Variants in CREM observed in about 807,000 individuals in gnomAD.
CREM encodes cAMP responsive element modulator.
A neutral mutation model predicts 37.3 loss-of-function variants in CREM; 13 were observed. The ratio of observed to expected loss-of-function variants is 0.35; its 90% CI spans 0.23 to 0.55. CREM has a LOEUF of 0.55. Ranked by LOEUF, CREM falls within the 20% of genes least tolerant of loss-of-function variation. CREM has a pLI of 0.88. For synonymous variants in CREM, 124 were observed against 120.2 expected (o/e 1.03, Z -0.21); for missense variants, 296 against 362.3 (o/e 0.82, Z 1.49).
intron 3 of CREM, among the ~76,000 whole-genome samples, chr10:35,173,380 C>T (rs145971940): frequency 1.2e-4 from 18 of 152,320 alleles, no homozygotes; most frequent in African/African-American, 4.1e-4. Context: ...ACTAAAGCAA[C>T]ATACTGCAAC....
intron 1 of CREM, among the ~76,000 whole-genome samples, chr10:35,130,722 A>G (rs548118852): frequency 2.0e-5 from 3 of 152,316 alleles, no homozygotes; most frequent in South Asian, 2.1e-4. Context: ...CATGCTGTAC[A>G]GGTTTTGTAG....
intron 5 of CREM, among the ~76,000 whole-genome samples, chr10:35,187,473 T>A (rs2094700498): frequency 6.6e-6 from 1 of 150,464 alleles, no homozygotes; most frequent in Non-Finnish European, 1.5e-5. Flanking sequence ...TTGATCAGGC[T>A]GGTCTCAAAC....
chr10:35,186,538 CAT>C (rs1388151481), intron 5 of CREM, among the ~76,000 whole-genome samples: 1 of 150,192 alleles, frequency 6.7e-6, no homozygotes, highest in East Asian at 1.9e-4. Flanking sequence ...ATTCTCCTGA[CAT>C]AGACAAAATG....
intron 3 of CREM, among the ~76,000 whole-genome samples, chr10:35,163,817 G>A (rs779156359): frequency 1.1e-4 from 16 of 151,676 alleles, no homozygotes; most frequent in Admixed American, 5.3e-4. Flanking sequence ...GTGAAACTCC[G>A]TCTCCAAAAA....
chr10:35,177,612 C>G (rs973565971), intron 3 of CREM, among the ~76,000 whole-genome samples: 1 of 152,164 alleles, frequency 6.6e-6, no homozygotes, highest in Non-Finnish European at 1.5e-5. Flanking sequence ...AGAAAGTATT[C>G]TGTTATATTC....
intron 7 of CREM, among the ~76,000 whole-genome samples, chr10:35,209,943 TC>T (rs1351801047): frequency 6.6e-6 from 1 of 152,214 alleles, no homozygotes; most frequent in Non-Finnish European, 1.5e-5. Flanking sequence ...AGTCCATTGT[TC>T]CTGGCTAGGA....
intron 5 of CREM, among the ~76,000 whole-genome samples, chr10:35,187,321 G>A (rs576747084): frequency 7.3e-5 from 10 of 137,712 alleles, no homozygotes; most frequent in East Asian, 6.3e-4. Context: ...GTGCAGTGCC[G>A]CAATCTCAGC....
chr10:35,201,487 GT>G (rs769060893), intron 6 of CREM: 3 of 1,551,618 alleles, frequency 1.9e-6, no homozygotes, highest in Non-Finnish European at 2.6e-6. Flanking sequence ...CACATGGCTG[GT>G]AAGTGGCAGA....
At chr10:35,182,098 A>C (rs1166768652) in intron 5 of CREM, among the ~76,000 whole-genome samples, 3 of 152,226 alleles carry the variant, frequency 2.0e-5, no homozygotes, top group African/African-American at 7.2e-5. Context: ...ATTTAGTGAA[A>C]TATATGTAGA....
chr10:35,202,866 AGTG>A, intron 6 of CREM, among the ~76,000 whole-genome samples: 1 of 152,292 alleles, frequency 6.6e-6, no homozygotes, highest in Non-Finnish European at 1.5e-5. Context: ...GTTATTTTAA[AGTG>A]GTATTTTTTT....
intron 3 of CREM, chr10:35,175,801 A>G (rs1589932350): frequency 6.2e-7 from 1 of 1,613,048 alleles, no homozygotes; most frequent in Non-Finnish European, 8.5e-7. Flanking sequence ...AATAGCAAAA[A>G]CAATAACAAA....
At chr10:35,195,976 A>G (rs2095141690) in intron 6 of CREM, 1 of 1,457,084 alleles carries the variant, frequency 6.9e-7, no homozygotes, top group South Asian at 1.2e-5. Context: ...TTTAGACTGA[A>G]TAGCTTTTCT....
At chr10:35,154,352 G>A (rs773044789) in intron 3 of CREM, 53 of 332,716 alleles carry the variant, frequency 1.6e-4, no homozygotes, top group Non-Finnish European at 1.7e-4. Flanking sequence ...CTTGTTAATA[G>A]GTTAGCAACC....
At chr10:35,175,906 G>A (rs1254531392) in intron 3 of CREM, 2 of 1,554,684 alleles carry the variant, frequency 1.3e-6, no homozygotes, top group Non-Finnish European at 1.7e-6. Flanking sequence ...TAACTCTAGT[G>A]CAGTTACCTT....
chr10:35,131,551 A>G (rs1226153930), intron 1 of CREM, among the ~76,000 whole-genome samples: 4 of 152,200 alleles, frequency 2.6e-5, no homozygotes, highest in Non-Finnish European at 4.4e-5. Flanking sequence ...CAACTGTATC[A>G]CACATAAAGA....
chr10:35,191,836 A>G (rs1489789641), intron 6 of CREM, among the ~76,000 whole-genome samples: 1 of 152,018 alleles, frequency 6.6e-6, no homozygotes, highest in African/African-American at 2.4e-5. Flanking sequence ...GCTTCAGTTC[A>G]CTGTGACTAT....
chr10:35,145,670 G>A (rs1176818584), intron 2 of CREM, among the ~76,000 whole-genome samples: 1 of 150,880 alleles, frequency 6.6e-6, no homozygotes, highest in African/African-American at 2.4e-5. Flanking sequence ...TCCCAGCTAC[G>A]TGGGAGGCTA....
intron 3 of CREM, chr10:35,158,617 G>GA (rs1484763048): frequency 6.3e-6 from 1 of 157,548 alleles, no homozygotes; most frequent in African/African-American, 2.4e-5. Context: ...AGAAATCTGT[G>GA]AAAACTGCTG....
At chr10:35,164,668 T>C (rs1343544051) in intron 3 of CREM, among the ~76,000 whole-genome samples, 2 of 152,270 alleles carry the variant, frequency 1.3e-5, no homozygotes, top group African/African-American at 4.8e-5. Flanking sequence ...TTACTATTTA[T>C]GTACTCTGAC....
Sources: gnomAD v4.1 joint callset for allele counts (sites outside exome capture counted in the v4.1 genomes callset) on GRCh38, gnomAD v4.1.1 for gene constraint, MANE v1.5 for transcripts, NCBI Gene and HGNC (gene_info 2026-07-23, HGNC 2026-07-21) for gene names.